Variants in NOX4 observed in about 807,000 individuals in gnomAD.
The protein encoded by NOX4 is kidney oxidase-1.
In NOX4, 69 loss-of-function variants were observed where a neutral mutation model predicts 87.6. The observed-to-expected ratio is 0.79, with a 90% CI of 0.65 to 0.96. NOX4 has a LOEUF of 0.96. Ranked by LOEUF, NOX4 falls within the 40% of genes least tolerant of loss-of-function variation. NOX4 has a pLI of 0.00. For missense variants in NOX4, 680 were observed against 681.5 expected (o/e 1.00, Z 0.02); for synonymous variants, 275 against 238.2 (o/e 1.15, Z -1.42).
At chr11:89,438,365 T>C (rs1944195151) in intron 6 of NOX4, among the ~76,000 whole-genome samples, 1 of 111,082 alleles carries the variant, frequency 9.0e-6, no homozygotes, top group Non-Finnish European at 1.7e-5. Context: ...ATATATTATA[T>C]AATATATATA....
At chr11:89,447,524 G>A (rs1156769240) in intron 4 of NOX4, among the ~76,000 whole-genome samples, 1 of 152,118 alleles carries the variant, frequency 6.6e-6, no homozygotes, top group Non-Finnish European at 1.5e-5. Flanking sequence ...TCAAAACAAA[G>A]CAATGTGGTA....
the NOX4 span, among the ~76,000 whole-genome samples, chr11:89,504,215 A>G: frequency 6.6e-6 from 1 of 151,862 alleles, no homozygotes; most frequent in Non-Finnish European, 1.5e-5. Flanking sequence ...TCTTGGCCCA[A>G]TTAAGTTGCT....
intron 12 of NOX4, among the ~76,000 whole-genome samples, chr11:89,362,543 T>C (rs1938612507): frequency 6.6e-6 from 1 of 152,116 alleles, no homozygotes; most frequent in African/African-American, 2.4e-5. Context: ...ATATCTTGTT[T>C]GAATTTTTAA....
At chr11:89,575,182 TAA>T in the NOX4 span, among the ~76,000 whole-genome samples, 25 of 141,966 alleles carry the variant, frequency 1.8e-4, no homozygotes, top group South Asian at 2.3e-4. Context: ...GAACTCCATC[TAA>T]AAAAAAAAAA....
chr11:89,451,705 T>C, intron 3 of NOX4, 80 bp downstream of exon 3: 1 of 964,548 alleles, frequency 1.0e-6, no homozygotes, highest in South Asian at 1.3e-5. Context: ...AGTCAGACTA[T>C]GAAAAGTAAA....
At chr11:89,458,839 C>T (rs1265843853) in intron 2 of NOX4, among the ~76,000 whole-genome samples, 1 of 152,114 alleles carries the variant, frequency 6.6e-6, no homozygotes, top group South Asian at 2.1e-4. Flanking sequence ...AAAGGGAACA[C>T]TTACATGCTG....
chr11:89,398,273 A>C (rs1941620858), intron 11 of NOX4, among the ~76,000 whole-genome samples: 1 of 152,146 alleles, frequency 6.6e-6, no homozygotes, highest in African/African-American at 2.4e-5. Flanking sequence ...GCAGCCCTTC[A>C]TGCTAAAAAT....
the NOX4 span, among the ~76,000 whole-genome samples, chr11:89,553,325 G>T: frequency 6.6e-6 from 1 of 152,078 alleles, no homozygotes; most frequent in Non-Finnish European, 1.5e-5. Context: ...CACAGGATCT[G>T]GTTGTTTGAT....
the NOX4 span, among the ~76,000 whole-genome samples, chr11:89,514,922 T>C: frequency 6.6e-6 from 1 of 152,044 alleles, no homozygotes; most frequent in African/African-American, 2.4e-5. Flanking sequence ...TCATGCATGC[T>C]CCTGCATATA....
chr11:89,417,441 C>A (rs1942844970), intron 8 of NOX4, among the ~76,000 whole-genome samples: 1 of 151,916 alleles, frequency 6.6e-6, no homozygotes, highest in African/African-American at 2.4e-5. Context: ...ATAGCAACCT[C>A]CCAAAAAGGT....
intron 12 of NOX4, among the ~76,000 whole-genome samples, chr11:89,358,298 A>G (rs1938230457): frequency 6.6e-6 from 1 of 151,380 alleles, no homozygotes; most frequent in Admixed American, 6.6e-5. Context: ...AGGCAGGAGA[A>G]TCACTTGAAC....
chr11:89,334,772 T>C (rs1042605721), intron 17 of NOX4, among the ~76,000 whole-genome samples: 14 of 151,808 alleles, frequency 9.2e-5, no homozygotes, highest in African/African-American at 3.4e-4. Flanking sequence ...TTACAGGCAA[T>C]TTTAAAATGA....
intron 2 of NOX4, among the ~76,000 whole-genome samples, chr11:89,457,150 C>A (rs963312043): frequency 1.3e-5 from 2 of 152,202 alleles, no homozygotes; most frequent in African/African-American, 4.8e-5. Flanking sequence ...ACTACAGTCT[C>A]CCTCTCCCCA....
At chr11:89,381,856 C>T (rs1306406045) in intron 11 of NOX4, among the ~76,000 whole-genome samples, 1 of 152,206 alleles carries the variant, frequency 6.6e-6, no homozygotes, top group Admixed American at 6.5e-5. Context: ...GCCTCTCTCA[C>T]TATCCTTCAA....
chr11:89,496,915 G>T (rs1946960643), upstream of NOX4, among the ~76,000 whole-genome samples: 1 of 152,154 alleles, frequency 6.6e-6, no homozygotes, highest in African/African-American at 2.4e-5. Context: ...ATACATGACA[G>T]AACTGAGGCA....
chr11:89,519,458 C>T, the NOX4 span, among the ~76,000 whole-genome samples: 1,946 of 151,948 alleles, frequency 0.013, 28 homozygotes, highest in African/African-American at 0.037. Context: ...AGTTTAAAAA[C>T]ATATAAGAAG....
At chr11:89,531,793 C>A in the NOX4 span, among the ~76,000 whole-genome samples, 1 of 152,204 alleles carries the variant, frequency 6.6e-6, no homozygotes, top group Non-Finnish European at 1.5e-5. Context: ...GCCCAGAGGC[C>A]GAGGAGGGAA....
chr11:89,492,847 G>A (rs1269485054), upstream of NOX4, among the ~76,000 whole-genome samples: 2 of 152,154 alleles, frequency 1.3e-5, no homozygotes, highest in Non-Finnish European at 2.9e-5. Context: ...GGCAGAATAG[G>A]TTCTTGTCAT....
chr11:89,571,709 C>A, the NOX4 span, among the ~76,000 whole-genome samples: 3 of 147,770 alleles, frequency 2.0e-5, no homozygotes, highest in Admixed American at 6.7e-5. Context: ...AAAAAATAAA[C>A]CTCAGGACCC....
Sources: allele counts gnomAD v4.1 joint callset (sites outside exome capture counted in the v4.1 genomes callset), GRCh38; gene constraint gnomAD v4.1.1; transcripts MANE v1.5; gene names NCBI Gene and HGNC (gene_info 2026-07-23, HGNC 2026-07-21).